The following ROBO2 variants were observed in gnomAD, a reference collection of about 807,000 sequenced individuals.
ROBO2 encodes roundabout homolog 2.
A neutral mutation model predicts 160.8 loss-of-function variants in ROBO2; 53 were observed. The observed-to-expected ratio is 0.33, with a 90% CI of 0.26 to 0.41. The LOEUF (loss-of-function observed/expected upper bound fraction) is 0.41, where lower values mean the gene tolerates loss of function less well. Ranked by LOEUF, ROBO2 falls within the 10% of genes least tolerant of loss-of-function variation. The pLI, the probability that ROBO2 is intolerant of heterozygous loss-of-function variation, is 1.00. For missense variants in ROBO2, 1,577 were observed against 1,722.4 expected (o/e 0.92, Z 1.49); for synonymous variants, 664 against 611.7 (o/e 1.09, Z -1.26).
chr3:77,153,632 C>G (rs1267215901), intron 2 of ROBO2, among the ~76,000 whole-genome samples: 1 of 152,130 alleles, frequency 6.6e-6, no homozygotes, highest in African/African-American at 2.4e-5. Context: ...AAAAAGATGT[C>G]TCCTTACTAA....
At chr3:76,020,732 G>A (rs2066550792) in intron 2 of ROBO2, among the ~76,000 whole-genome samples, 1 of 151,614 alleles carries the variant, frequency 6.6e-6, no homozygotes, top group Admixed American at 6.6e-5. Flanking sequence ...TGCTTTCCAT[G>A]TTCTTCACTC....
At chr3:77,291,907 G>C (rs546652249) in intron 2 of ROBO2, among the ~76,000 whole-genome samples, 30 of 151,886 alleles carry the variant, frequency 2.0e-4, no homozygotes, top group African/African-American at 6.3e-4. Context: ...GCTGAGGCTA[G>C]ATCACCCCAG....
intron 16 of ROBO2, among the ~76,000 whole-genome samples, chr3:77,583,707 G>T (rs998595120): frequency 2.0e-5 from 3 of 151,942 alleles, no homozygotes; most frequent in African/African-American, 7.2e-5. Flanking sequence ...TTTCTGGTTT[G>T]TTGCTTATTT....
chr3:75,936,037 C>T (rs1947763990), intron 1 of ROBO2, among the ~76,000 whole-genome samples: 3 of 152,096 alleles, frequency 2.0e-5, no homozygotes, highest in African/African-American at 4.8e-5. Flanking sequence ...GTAAAATAAC[C>T]TGGATTACAG....
chr3:76,473,669 A>C (rs2078786890), intron 2 of ROBO2, among the ~76,000 whole-genome samples: 1 of 152,172 alleles, frequency 6.6e-6, no homozygotes, highest in Non-Finnish European at 1.5e-5. Context: ...CATTTGTAAT[A>C]GTTTTGTAAA....
rs189895669 is a variant in ROBO2 at position 77,339,340 on chromosome 3, C to A, written c.389-138074C>A. Among the ~76,000 whole-genome samples the A allele has an allele frequency of 1.2e-4, 19 of 152,078 alleles. No individual in the cohort carries two copies. In the East Asian group the frequency reaches 2.5e-3, roughly 20 times the overall value. On this transcript the variant is annotated intron_variant, in intron 2 of 25. Transcript: ENST00000461745. Reference sequence around the variant, plus strand: ...CAGATAATTTCAACCAAAGAAGATGCCAAACTGGTCAGGTGATAAAGAAAA... The same window carrying A: ...CAGATAATTTCAACCAAAGAAGATGACAAACTGGTCAGGTGATAAAGAAAA...
chr3:76,377,880 T>A (rs1243214814), intron 2 of ROBO2, among the ~76,000 whole-genome samples: 1 of 152,146 alleles, frequency 6.6e-6, no homozygotes, highest in African/African-American at 2.4e-5. Context: ...GATTACACTG[T>A]CATCAGTATC....
intron 2 of ROBO2, among the ~76,000 whole-genome samples, chr3:76,069,548 A>C (rs934459521): frequency 6.6e-6 from 1 of 151,692 alleles, no homozygotes; most frequent in East Asian, 1.9e-4. Flanking sequence ...TCCTGAAAGA[A>C]ATAAATTATT....
At position 77,426,983 on chromosome 3, in the gene ROBO2, C is replaced by A. The variant is rs535895347; in HGVS notation, c.389-50431C>A. The stretch of plus-strand genomic sequence containing the variant: ...ATGTTCTCTCCCAAGAGTCATACTC[C>A]TTTTAAAATTTGCTAACAGCGAACT... On this transcript the variant is annotated intron_variant, in intron 2 of 25. Coordinates refer to ENST00000461745, the Ensembl canonical transcript of ROBO2. Among the ~76,000 whole-genome samples, 3 of 152,264 alleles carry A rather than the reference C, an allele frequency of 2.0e-5. No individual in the cohort carries two copies. The South Asian group carries it at 6.2e-4, about 32-fold the overall frequency.
At chr3:76,851,648 T>C (rs976656972) in intron 2 of ROBO2, among the ~76,000 whole-genome samples, 1 of 140,346 alleles carries the variant, frequency 7.1e-6, no homozygotes, top group Non-Finnish European at 1.5e-5. Context: ...GGCAGGAGAA[T>C]GGCGTGAACC....
In ROBO2 at chr3:77,360,190, G is replaced by A. The variant is rs559038001; in HGVS notation, c.389-117224G>A. On this transcript the variant is annotated intron_variant, in intron 2 of 25. Coordinates refer to ENST00000461745, the Ensembl canonical transcript of ROBO2. ...TGCAGGAAGCAGTGTCAGGGCCGGCGGGGAGTGCTTAAATATTCTATTTGC... is the reference window on the plus strand; with the variant it reads ...TGCAGGAAGCAGTGTCAGGGCCGGCAGGGAGTGCTTAAATATTCTATTTGC... 5.3e-4 allele frequency among the ~76,000 whole-genome samples: 81 copies of A among 152,098 alleles called. 1 individual carries two copies. The South Asian group carries it at 0.014, about 25-fold the overall frequency.
intron 2 of ROBO2, among the ~76,000 whole-genome samples, chr3:76,934,503 G>A (rs1347602863): frequency 2.6e-5 from 4 of 152,078 alleles, no homozygotes; most frequent in African/African-American, 7.2e-5. Context: ...AGCACTTTAG[G>A]AGAACGAGAG....
At position 77,557,930 on chromosome 3, in the gene ROBO2, G is replaced by A. The variant is rs1387889301; in HGVS notation, c.1232-14G>A. 1 of 1,609,144 alleles carries A rather than the reference G, an allele frequency of 6.2e-7. No homozygotes were observed. The highest frequency in any genetic ancestry group is 2.2e-5 in the East Asian group (1 of 44,806). ...ATTGATGTTAAAATACCTGAAAAGAGCTTTATTCTTCAGTTTTGACAGATA... is the reference window on the plus strand; with the variant it reads ...ATTGATGTTAAAATACCTGAAAAGAACTTTATTCTTCAGTTTTGACAGATA... On this transcript the variant is annotated splice_polypyrimidine_tract_variant and intron_variant, in intron 8 of 25. Coordinates refer to ENST00000461745, the Ensembl canonical transcript of ROBO2.
At position 77,050,449 on chromosome 3, in the gene ROBO2, T is replaced by C. The variant is rs62249953; in HGVS notation, c.61+9603T>C. 7.3e-3 allele frequency among the ~76,000 whole-genome samples: 1,107 copies of C among 152,292 alleles called. 3 individuals are homozygous for C. Among genetic ancestry groups the C allele is most frequent in the Non-Finnish European group, 0.012 (822 of 68,024 alleles). ...TAGCGTAGAAACTGAGTAGGAGAAA[T>C]GTAACCTTTTAAAAAGAAAATGCCA... is the stretch of plus-strand genomic sequence containing the variant. On this transcript the variant is annotated intron_variant, in intron 1 of 25. Transcript: ENST00000461745.
At chr3:76,648,961 T>C (rs1306673616) in intron 2 of ROBO2, among the ~76,000 whole-genome samples, 3 of 152,114 alleles carry the variant, frequency 2.0e-5, no homozygotes, top group Non-Finnish European at 4.4e-5. Flanking sequence ...TGTACAACTA[T>C]TTTATGCTGC....
At chr3:76,635,007 A>G (rs1350268444) in intron 2 of ROBO2, among the ~76,000 whole-genome samples, 2 of 152,194 alleles carry the variant, frequency 1.3e-5, no homozygotes, top group Non-Finnish European at 2.9e-5. Context: ...TCTGAGGTGG[A>G]ACAGTTTCAT....
At chr3:76,331,690 A>AT (rs10713218) in intron 2 of ROBO2, among the ~76,000 whole-genome samples, 14,943 of 144,272 alleles carry the variant, frequency 0.1, 810 homozygotes, top group Non-Finnish European at 0.12. Context: ...TAATATTTGA[A>AT]TTTTTTTTTT....
chr3:77,620,275 C>T (rs2094873799), intron 22 of ROBO2, among the ~76,000 whole-genome samples: 1 of 152,184 alleles, frequency 6.6e-6, no homozygotes, highest in Non-Finnish European at 1.5e-5. Flanking sequence ...CCAGGCTCCA[C>T]CTCCCAGGAT....
chr3:76,527,653 A>T (rs551776354), intron 2 of ROBO2, among the ~76,000 whole-genome samples: 9 of 152,032 alleles, frequency 5.9e-5, no homozygotes, highest in Non-Finnish European at 8.8e-5. Context: ...TGAGATTTTT[A>T]AAAAAATACC....
Sources: allele counts gnomAD v4.1 joint callset (sites outside exome capture counted in the v4.1 genomes callset), GRCh38; gene constraint gnomAD v4.1.1; transcripts MANE v1.5; gene names NCBI Gene and HGNC (gene_info 2026-07-23, HGNC 2026-07-21).